Variants in ZNF674 observed in about 807,000 individuals in gnomAD.
ZNF674 encodes the protein zinc finger family member 674.
A neutral mutation model predicts 7.0 loss-of-function variants in ZNF674; 2 were observed. That is an observed-to-expected ratio of 0.29 (90% confidence interval 0.12 to 0.90). ZNF674 has a LOEUF of 0.90. Ranked by LOEUF, ZNF674 falls within the 40% of genes least tolerant of loss-of-function variation. ZNF674 has a pLI of 0.57. For synonymous variants in ZNF674, 103 were observed against 145.2 expected (o/e 0.71, Z 2.09); for missense variants, 297 against 415.5 (o/e 0.71, Z 2.48).
At chrX:46,525,262 T>C in intron 5 of ZNF674, 1 of 176,232 alleles carries the variant, frequency 5.7e-6, no homozygotes. Flanking sequence ...GAAGTCATTC[T>C]CACTATGCCT....
At chrX:46,510,478 C>T (rs905873263) in intron 5 of ZNF674, among the ~76,000 whole-genome samples, 1 of 111,436 alleles carries the variant, frequency 9.0e-6, no homozygotes, top group Non-Finnish European at 1.9e-5. Flanking sequence ...ATACAACACT[C>T]ATTAGTGATT....
intron 3 of ZNF674, among the ~76,000 whole-genome samples, chrX:46,530,633 T>C (rs1460652343): frequency 8.9e-6 from 1 of 112,206 alleles, no homozygotes; most frequent in Non-Finnish European, 1.9e-5. Flanking sequence ...TGGTTTGATA[T>C]TGTGAAATAT....
intron 3 of ZNF674, among the ~76,000 whole-genome samples, chrX:46,540,152 G>C (rs1332524994): frequency 9.0e-6 from 1 of 110,858 alleles, no homozygotes; most frequent in African/African-American, 3.3e-5. Flanking sequence ...GCTGAGGCAG[G>C]AGAATGGCGG....
intron 3 of ZNF674, among the ~76,000 whole-genome samples, chrX:46,539,059 C>G (rs1426292768): frequency 9.0e-5 from 10 of 111,441 alleles, no homozygotes; most frequent in Non-Finnish European, 1.5e-4. Context: ...GTGGCACACG[C>G]CTGTGGTCCC....
At chrX:46,536,000 C>T (rs1370039053) in intron 3 of ZNF674, among the ~76,000 whole-genome samples, 2 of 112,061 alleles carry the variant, frequency 1.8e-5, no homozygotes, top group African/African-American at 6.5e-5. Context: ...AAATTAAATA[C>T]TCTCATATAA....
At chrX:46,533,964 T>C (rs1459182055) in intron 3 of ZNF674, among the ~76,000 whole-genome samples, 2 of 106,485 alleles carry the variant, frequency 1.9e-5, no homozygotes, top group Non-Finnish European at 3.8e-5. Context: ...GGCTGATTTA[T>C]AAAGGAAAGA....
chrX:46,498,666 C>G lies in ZNF674; in HGVS notation c.*1177G>C, dbSNP rs1193931863. The G allele has an allele frequency of 2.8e-5, 3 of 105,540 alleles. No individual in the cohort carries two copies. Among genetic ancestry groups the G allele is most frequent in the African/African-American group, 1.0e-4 (3 of 28,791 alleles). 8.7% of individuals were successfully genotyped at this position (105,540 alleles called of 1,213,427 possible). Reference sequence around the variant, plus strand: ...TTGGGAGGCTGAGGCGGGCGGATTACCTGAGGTCAGGAGTTCGAGACCAGC... The same window carrying G: ...TTGGGAGGCTGAGGCGGGCGGATTAGCTGAGGTCAGGAGTTCGAGACCAGC... On this transcript the variant is annotated 3_prime_UTR_variant, in exon 6 of 6. Transcript: ENST00000683375.
At position 46,499,938 on chromosome X, in the gene ZNF674, T is replaced by C. The variant is rs763759544; in HGVS notation, c.1636A>G (p.Lys546Glu). The change falls in exon 6 of 6, where the codon AAA (lysine) becomes GAA (glutamate). Residue 546 changes from lysine (K) to glutamate (E), a missense_variant. By Grantham distance (56) the Lys-to-Glu change is moderately conservative. Transcript: ENST00000683375. Reference protein sequence around the residue: ...IVHHRTHTGEKPYECRDCGKA... With the variant: ...IVHHRTHTGEEPYECRDCGKA... The stretch of plus-strand genomic sequence containing the variant: ...CCACAGTCTCTGCATTCATAAGGTT[T>C]CTCTCCTGTATGAGTTCTGTGATGC... The C allele has an allele frequency of 8.4e-7, 1 of 1,189,666 alleles. No individual in the cohort carries two copies. Among genetic ancestry groups the C allele is most frequent in the Non-Finnish European group, 1.1e-6 (1 of 883,800 alleles).
chrX:46,531,611 G>C (rs552746752), intron 3 of ZNF674, among the ~76,000 whole-genome samples: 2 of 111,307 alleles, frequency 1.8e-5, no homozygotes, highest in Admixed American at 1.9e-4. Flanking sequence ...TGTGTCAAGT[G>C]AGAGTAGACA....
intron 5 of ZNF674, among the ~76,000 whole-genome samples, chrX:46,520,838 C>T (rs146300240): frequency 3.0e-4 from 33 of 111,341 alleles, no homozygotes; most frequent in African/African-American, 1.0e-3. Context: ...CTACAAGAAA[C>T]GCAATTTAAA....
intron 3 of ZNF674, among the ~76,000 whole-genome samples, chrX:46,538,014 G>A (rs1942230298): frequency 9.1e-6 from 1 of 110,445 alleles, no homozygotes; most frequent in Non-Finnish European, 1.9e-5. Context: ...GCTTGAACCC[G>A]GGAGGCGGAG....
chrX:46,536,645 T>C (rs1325807267), intron 3 of ZNF674, among the ~76,000 whole-genome samples: 2 of 106,909 alleles, frequency 1.9e-5, no homozygotes, highest in Non-Finnish European at 3.9e-5. Flanking sequence ...TAGTCCCAGC[T>C]ACTCAGGAAG....
chrX:46,543,611 C>T (rs1018795980), intron 2 of ZNF674, among the ~76,000 whole-genome samples: 21 of 111,771 alleles, frequency 1.9e-4, no homozygotes, highest in Middle Eastern at 9.2e-3. Flanking sequence ...GGCCACCTAC[C>T]CTGCTCCCAC....
intron 5 of ZNF674, among the ~76,000 whole-genome samples, chrX:46,510,853 G>T (rs747240663): frequency 1.8e-5 from 2 of 111,638 alleles, no homozygotes; most frequent in Admixed American, 1.9e-4. Flanking sequence ...TAATAAAAGG[G>T]GCTCTTGATG....
In ZNF674 at chrX:46,515,241, C is replaced by T. The variant is rs1173223003; in HGVS notation, c.238+13109G>A. Among the ~76,000 whole-genome samples the T allele has an allele frequency of 3.6e-5, 4 of 109,844 alleles. 1 individual carries two copies. Among genetic ancestry groups the T allele is most frequent in the Admixed American group, 2.9e-4 (3 of 10,182 alleles). On this transcript the variant is annotated intron_variant, in intron 5 of 5. Coordinates refer to ENST00000683375, the MANE Select transcript of ZNF674 (RefSeq NM_001190417.2). The stretch of plus-strand genomic sequence containing the variant: ...AAAATTAGCCAGGCATGGTGGTGTA[C>T]GCCTGTAATCCCAGCTACTCGGGAG...
At chrX:46,533,423 T>C (rs1012304215) in intron 3 of ZNF674, among the ~76,000 whole-genome samples, 4 of 110,901 alleles carry the variant, frequency 3.6e-5, no homozygotes, top group African/African-American at 1.3e-4. Flanking sequence ...AGTGAATTGG[T>C]TTTGACTGTG....
At chrX:46,529,789 G>A (rs746356005) in intron 3 of ZNF674, 4 of 111,690 alleles carry the variant, frequency 3.6e-5, no homozygotes, top group Admixed American at 2.9e-4. Context: ...GCCTCACAGG[G>A]ACAGTGACAG....
chrX:46,512,572 C>A (rs1193133163), intron 5 of ZNF674, among the ~76,000 whole-genome samples: 1 of 108,160 alleles, frequency 9.2e-6, no homozygotes, highest in East Asian at 2.9e-4. Flanking sequence ...TTCAGCCTGG[C>A]CAACATGGTG....
At chrX:46,538,308 A>G (rs1942235712) in intron 3 of ZNF674, among the ~76,000 whole-genome samples, 1 of 111,447 alleles carries the variant, frequency 9.0e-6, no homozygotes, top group African/African-American at 3.3e-5. Flanking sequence ...TATAATCTTG[A>G]CTCACAGAAT....
Sources: gnomAD v4.1 joint callset for allele counts (sites outside exome capture counted in the v4.1 genomes callset) on GRCh38, gnomAD v4.1.1 for gene constraint, MANE v1.5 for transcripts, NCBI Gene and HGNC (gene_info 2026-07-23, HGNC 2026-07-21) for gene names.